Variants in LAMA3 observed in about 807,000 individuals in gnomAD.
LAMA3 encodes laminin subunit alpha-3.
In LAMA3, 281 loss-of-function variants were observed where a neutral mutation model predicts 402.0. The observed-to-expected ratio is 0.70, with a 90% confidence interval of 0.63 to 0.77. The LOEUF (loss-of-function observed/expected upper bound fraction) is 0.77. Among genes scored for constraint, LAMA3 ranks in the 30% least tolerant of loss-of-function variants. The pLI is 0.00. For synonymous variants in LAMA3, 1,431 were observed against 1,558.4 expected (o/e 0.92, Z 1.93); for missense variants, 3,840 against 4,215.5 (o/e 0.91, Z 2.47).
intron 23 of LAMA3, among the ~76,000 whole-genome samples, chr18:23,830,419 A>G (rs894129716): frequency 6.6e-6 from 1 of 152,150 alleles, no homozygotes; most frequent in African/African-American, 2.4e-5. Flanking sequence ...CCCTACTCAC[A>G]CCTCAACCCA....
At chr18:23,756,424 G>A (rs2014655086) in intron 6 of LAMA3, among the ~76,000 whole-genome samples, 1 of 149,710 alleles carries the variant, frequency 6.7e-6, no homozygotes, top group South Asian at 2.1e-4. Flanking sequence ...GACGGCATGC[G>A]GGGACACCCC....
At chr18:23,805,857 G>A (rs1421804703) in intron 12 of LAMA3, among the ~76,000 whole-genome samples, 2 of 152,172 alleles carry the variant, frequency 1.3e-5, no homozygotes, top group Non-Finnish European at 2.9e-5. Flanking sequence ...GTTTGGCGGT[G>A]GAGTGGAGTT....
At chr18:23,729,388 G>A (rs556889881) in intron 2 of LAMA3, among the ~76,000 whole-genome samples, 7 of 152,232 alleles carry the variant, frequency 4.6e-5, no homozygotes, top group Non-Finnish European at 1.0e-4. Flanking sequence ...CCATACATAT[G>A]CAACAGATAG....
chr18:23,807,164 A>G lies in LAMA3; in HGVS notation c.1604-3202A>G, dbSNP rs79929728. 3.9e-3 allele frequency among the ~76,000 whole-genome samples: 596 copies of G among 152,196 alleles called. 3 individuals carry two copies. Among genetic ancestry groups the G allele is most frequent in the African/African-American group, 0.014 (564 of 41,524 alleles). ...ACCAATTCCAGAAACCCCCAAACCA[A>G]TTCAGAGAATTTATTCTTAAAATTC... On this transcript the variant is annotated intron_variant, in intron 12 of 74. Transcript: ENST00000313654.
intron 1 of LAMA3, among the ~76,000 whole-genome samples, chr18:23,706,440 A>G (rs952226455): frequency 1.3e-5 from 2 of 152,172 alleles, no homozygotes; most frequent in African/African-American, 4.8e-5. Flanking sequence ...TACTCCTACT[A>G]TGTCTTTTCT....
intron 38 of LAMA3, among the ~76,000 whole-genome samples, chr18:23,873,719 G>C (rs1018406643): frequency 6.6e-6 from 1 of 152,184 alleles, no homozygotes; most frequent in Non-Finnish European, 1.5e-5. Context: ...CCTGGATGCT[G>C]CATGTATTCT....
chr18:23,951,809 C>T, intron 73 of LAMA3, 32 bp downstream of exon 73: 1 of 1,490,250 alleles, frequency 6.7e-7, no homozygotes. Context: ...TGTTCATGCA[C>T]TAAAACAGGC....
In LAMA3 at chr18:23,871,298, C is replaced by T. The variant is rs1043500590; in HGVS notation, c.4768-133C>T. 6 of 750,486 alleles carry T rather than the reference C, an allele frequency of 8.0e-6. No homozygotes were observed. The Admixed American group carries it at 8.0e-5, about 10-fold the overall frequency. The allele number at this position is 750,486 out of a possible 1,614,324, so 46.5% of individuals were successfully genotyped here. A position where few individuals can be genotyped will look rare whatever the true frequency, so the allele number is the denominator to read the frequency against. On this transcript the variant is annotated intron_variant, in intron 37 of 74. Coordinates refer to ENST00000313654, the MANE Select transcript of LAMA3 (RefSeq NM_198129.4). The stretch of plus-strand genomic sequence containing the variant: ...TAAATACTCCAGGAGGCAGGTATTT[C>T]CCCGTCTTATTTCATTTCTCCCTAT...
chr18:23,910,323 T>C (rs2081386786), intron 55 of LAMA3, among the ~76,000 whole-genome samples: 1 of 152,260 alleles, frequency 6.6e-6, no homozygotes, highest in Admixed American at 6.5e-5. Context: ...CTATAGAGCA[T>C]AGAAAGTACC....
intron 41 of LAMA3, among the ~76,000 whole-genome samples, chr18:23,885,281 C>A (rs2065035040): frequency 6.6e-6 from 1 of 151,774 alleles, no homozygotes; most frequent in South Asian, 2.1e-4. Flanking sequence ...ACTGTCTACA[C>A]TCTTCCGTAC....
At chr18:23,776,055 TAA>T (rs1294422911) in intron 10 of LAMA3, 132 bp downstream of exon 10, 1 of 907,490 alleles carries the variant, frequency 1.1e-6, no homozygotes, top group African/African-American at 1.6e-5. Flanking sequence ...TGTATTTATG[TAA>T]AAGTGTTTCT....
chr18:23,773,264 T>C (rs2062240981), intron 8 of LAMA3, among the ~76,000 whole-genome samples: 1 of 152,284 alleles, frequency 6.6e-6, no homozygotes, highest in South Asian at 2.1e-4. Flanking sequence ...GTCCAGTTGA[T>C]GGAATGTTTC....
chr18:23,845,276 T>C (rs2063789812), intron 30 of LAMA3, 152 bp downstream of exon 30: 1 of 674,856 alleles, frequency 1.5e-6, no homozygotes, highest in Non-Finnish European at 2.7e-6. Context: ...AAGATGCTCT[T>C]TCTCCACACC....
At chr18:23,881,605 G>T (rs753460087) in intron 39 of LAMA3, among the ~76,000 whole-genome samples, 3 of 152,186 alleles carry the variant, frequency 2.0e-5, no homozygotes, top group Non-Finnish European at 4.4e-5. Flanking sequence ...TAGTAAAATT[G>T]ATATAAGTAA....
chr18:23,845,159 A>G, intron 30 of LAMA3, 35 bp downstream of exon 30: 1 of 1,235,348 alleles, frequency 8.1e-7, no homozygotes, highest in Non-Finnish European at 1.2e-6. Flanking sequence ...TCTGGAATGC[A>G]GAGGCACTCC....
intron 3 of LAMA3, 27 bp downstream of exon 3, chr18:23,748,087 G>C (rs755499508): frequency 1.7e-6 from 2 of 1,202,314 alleles, no homozygotes; most frequent in East Asian, 2.3e-5. Flanking sequence ...ACCATGTTAT[G>C]CATGGCTTTA....
At chr18:23,862,244 G>A (rs2064241700) in intron 35 of LAMA3, among the ~76,000 whole-genome samples, 2 of 152,194 alleles carry the variant, frequency 1.3e-5, no homozygotes, top group African/African-American at 4.8e-5. Flanking sequence ...AAGAAACACA[G>A]GATCTGGTGG....
intron 31 of LAMA3, 33 bp from the exon 32 acceptor site, chr18:23,847,431 C>A (rs1024349731): frequency 6.2e-7 from 1 of 1,603,388 alleles, no homozygotes; most frequent in Non-Finnish European, 8.5e-7. Context: ...CGGCCTTTGA[C>A]CCTCACATGG....
In LAMA3 at chr18:23,918,184, G is replaced by A. The variant is rs964496388; in HGVS notation, c.7923+1489G>A. 2.6e-5 allele frequency among the ~76,000 whole-genome samples: 4 copies of A among 152,006 alleles called. No homozygotes were observed. Among genetic ancestry groups the A allele is most frequent in the South Asian group, 2.1e-4 (1 of 4,820 alleles). ...ATTGCTTGTTTTTGTTGACTTTGTC[G>A]AAGATCAGATGGTTGTAGGCGTGTG... On this transcript the variant is annotated intron_variant, in intron 60 of 74. Coordinates refer to ENST00000313654, the MANE Select transcript of LAMA3 (RefSeq NM_198129.4). The surrounding 1 kb of genome is among the most constrained non-coding windows in gnomAD (Gnocchi z 4.1).
Sources: allele counts gnomAD v4.1 joint callset (sites outside exome capture counted in the v4.1 genomes callset), GRCh38; gene constraint gnomAD v4.1.1; non-coding constraint Gnocchi (gnomAD v3.1); transcripts MANE v1.5; gene names NCBI Gene and HGNC (gene_info 2026-07-23, HGNC 2026-07-21).